The following CIT variants were observed in gnomAD, a reference collection of about 807,000 sequenced individuals.
The protein encoded by CIT is citron Rho-interacting kinase.
A neutral mutation model predicts 272.7 loss-of-function variants in CIT; 79 were observed. That is an observed-to-expected ratio of 0.29 (90% CI 0.24 to 0.35). The LOEUF is 0.35. CIT is among the 10% of genes least tolerant of loss of function. The pLI, the probability that CIT is intolerant of heterozygous loss-of-function variation, is 1.00. For missense variants in CIT, 1,909 were observed against 2,618.3 expected, an observed-to-expected ratio of 0.73 and a Z score of 5.91; for synonymous variants, 948 against 995.6, an observed-to-expected ratio of 0.95 and a Z score of 0.90.
intron 18 of CIT, among the ~76,000 whole-genome samples, 159 bp from the exon 19 acceptor site, chr12:119,767,341 C>T (rs760601285): frequency 6.6e-6 from 1 of 152,234 alleles, no homozygotes; most frequent in Non-Finnish European, 1.5e-5. Flanking sequence ...GAAACCACCA[C>T]GCCTTGGCCC....
In CIT at chr12:119,712,550, C is replaced by T. The variant is rs769127840; in HGVS notation, c.4684+41G>A. The T allele has an allele frequency of 4.4e-6, 7 of 1,583,670 alleles. No individual in the cohort carries two copies. The highest frequency in any genetic ancestry group is 1.1e-5 in the South Asian group (1 of 90,186). On this transcript the variant is annotated intron_variant, in intron 36 of 47. Transcript: ENST00000392521. The surrounding 1 kb of genome is among the most constrained non-coding windows in gnomAD (Gnocchi z 5.2). ...TCTGTCCCTGCTGATTGGCCAAGCC[C>T]GGCCCACCTCCAGGGCGGGGCTCCT...
rs1261726478 is a variant in CIT at position 119,697,641 on chromosome 12, AGAG to A, written c.5882+15_5882+17del. On this transcript the variant is annotated intron_variant, in intron 46 of 47. Transcript: ENST00000392521. This position sits in a 1 kb window ranked among gnomAD's most constrained non-coding sequence, Gnocchi z 4.9. ...AGCACGTTGCCCCTGGTACTGAGGA[AGAG>A]GAGAAGCTGGTTACCTGCGGGAGGT... 1 of 1,611,568 alleles carries A rather than the reference AGAG, an allele frequency of 6.2e-7. No individual in the cohort carries two copies. The highest frequency in any genetic ancestry group is 8.5e-7 in the Non-Finnish European group (1 of 1,178,818).
chr12:119,810,694 T>A (rs1244765905), intron 9 of CIT, among the ~76,000 whole-genome samples: 1 of 130,982 alleles, frequency 7.6e-6, no homozygotes, highest in Admixed American at 8.1e-5. Context: ...AGAGTGAGAT[T>A]CCATCATCTC....
chr12:119,693,864 A>G (rs1956084843), intron 46 of CIT, among the ~76,000 whole-genome samples: 1 of 152,256 alleles, frequency 6.6e-6, no homozygotes, highest in Non-Finnish European at 1.5e-5. Context: ...TTCTTCCACC[A>G]AATTATGGGC....
Position 119,688,335 on chromosome 12 carries a change from T to C in CIT, c.6187-80A>G, listed in dbSNP as rs191381824. Reference sequence around the variant, plus strand: ...TCACCTTGCATGATGCAAATGGGAATCTGCAGCCCCTGGGCTATCCCCTTC... The same window carrying C: ...TCACCTTGCATGATGCAAATGGGAACCTGCAGCCCCTGGGCTATCCCCTTC... On this transcript the variant is annotated intron_variant, in intron 47 of 47. Transcript: ENST00000392521. 9.7e-4 allele frequency: 1,348 copies of C among 1,388,490 alleles called. 3 individuals are homozygous for C. The highest frequency in any genetic ancestry group is 1.3e-3 in the Non-Finnish European group (1,252 of 974,762). The allele number at this position is 1,388,490 out of a possible 1,614,324, so 86.0% of individuals were successfully genotyped here.
chr12:119,788,667 C>CA (rs1965020525), intron 10 of CIT, among the ~76,000 whole-genome samples: 3 of 151,516 alleles, frequency 2.0e-5, no homozygotes, highest in South Asian at 4.2e-4. Context: ...CACCCCCCAC[C>CA]AAAAAAAACG....
intron 24 of CIT, among the ~76,000 whole-genome samples, chr12:119,740,722 C>T (rs556291085): frequency 1.3e-5 from 2 of 152,158 alleles, no homozygotes; most frequent in South Asian, 4.1e-4. Context: ...TGATCATTCA[C>T]GCGCATGTAT....
chr12:119,699,768 G>C (rs1023997896), intron 44 of CIT: 2 of 455,956 alleles, frequency 4.4e-6, no homozygotes, highest in Non-Finnish European at 4.4e-6. Flanking sequence ...TCAAGCCACG[G>C]AGTTGGGGCC....
chr12:119,776,423 A>C lies in CIT; in HGVS notation c.1837-15T>G. 6.2e-7 allele frequency: 1 copy of C among 1,611,194 alleles called. No individual in the cohort carries two copies. Among genetic ancestry groups the C allele is most frequent in the Non-Finnish European group, 8.5e-7 (1 of 1,177,864 alleles). On this transcript the variant is annotated splice_polypyrimidine_tract_variant and intron_variant, in intron 14 of 47. Transcript: ENST00000392521. ...TGATCCTTAGCCTGTAATTAAAAAG[A>C]CACAACATATTGGGAAATCTCAACA...
At chr12:119,751,915 G>C (rs551125931) in intron 23 of CIT, 135 bp downstream of exon 23, 1 of 770,302 alleles carries the variant, frequency 1.3e-6, no homozygotes, top group Non-Finnish European at 2.0e-6. Context: ...CCAATTTCCT[G>C]GCCACTGAAT....
rs998851938 is a variant in CIT at position 119,770,687 on chromosome 12, C to T, written c.2208+98G>A. 5 of 1,392,708 alleles carry T rather than the reference C, an allele frequency of 3.6e-6. No homozygotes were observed. Among genetic ancestry groups the T allele is most frequent in the Non-Finnish European group, 5.0e-6 (5 of 999,240 alleles). 86.3% of individuals were successfully genotyped at this position (1,392,708 alleles called of 1,614,324 possible). ...CACTCAATTCATCTACTTGGAGATA[C>T]CTCCCTTATTGTGGCGGTTAATTCT... is the stretch of plus-strand genomic sequence containing the variant. On this transcript the variant is annotated intron_variant, in intron 18 of 47. Transcript: ENST00000392521. The surrounding 1 kb of genome is among the most constrained non-coding windows in gnomAD (Gnocchi z 4.4).
At chr12:119,719,674 C>T (rs1186637066) in intron 30 of CIT, among the ~76,000 whole-genome samples, 2 of 152,304 alleles carry the variant, frequency 1.3e-5, no homozygotes, top group East Asian at 3.9e-4. Flanking sequence ...CCCTCCACTC[C>T]TTCCTCCTAG....
chr12:119,871,724 C>G (rs1950685286), intron 2 of CIT, among the ~76,000 whole-genome samples: 2 of 152,072 alleles, frequency 1.3e-5, no homozygotes, highest in South Asian at 4.1e-4. Context: ...AGGTGTAGTG[C>G]CATGGTCCTG....
intron 17 of CIT, among the ~76,000 whole-genome samples, chr12:119,771,561 A>G (rs1963154416): frequency 6.6e-6 from 1 of 152,162 alleles, no homozygotes; most frequent in Non-Finnish European, 1.5e-5. Context: ...TGAGGGTTTC[A>G]GGTACCAGGC....
At chr12:119,837,369 A>T (rs1969085236) in intron 5 of CIT, among the ~76,000 whole-genome samples, 1 of 152,254 alleles carries the variant, frequency 6.6e-6, no homozygotes. Flanking sequence ...GTTAGAGCTT[A>T]AAGATACAAT....
chr12:119,863,072 C>A lies in CIT; in HGVS notation c.239-5374G>T, dbSNP rs150949464. On this transcript the variant is annotated intron_variant, in intron 3 of 47. Transcript: ENST00000392521. ...CAAAAATTAGCCTGGCATGGTGGTG[C>A]GCACCTGTAGTCCCAGCTACTCAGG... 2.8e-5 allele frequency among the ~76,000 whole-genome samples: 4 copies of A among 144,856 alleles called. No homozygotes were observed. In the South Asian group the frequency reaches 6.8e-4, roughly 24 times the overall value.
At chr12:119,785,133 C>A in intron 10 of CIT, 68 bp from the exon 11 acceptor site, 2 of 1,515,592 alleles carry the variant, frequency 1.3e-6, no homozygotes, top group Non-Finnish European at 9.0e-7. Flanking sequence ...TAGGAAGCTG[C>A]AACATTTGTT....
At chr12:119,750,924 G>A (rs1296564266) in intron 23 of CIT, among the ~76,000 whole-genome samples, 1 of 152,018 alleles carries the variant, frequency 6.6e-6, no homozygotes, top group African/African-American at 2.4e-5. Context: ...CGGAAATGGG[G>A]ACAGCATCTA....
chr12:119,859,387 T>G (rs1950265955), intron 3 of CIT, among the ~76,000 whole-genome samples: 1 of 152,182 alleles, frequency 6.6e-6, no homozygotes, highest in Admixed American at 6.5e-5. Context: ...AGAGTCATAC[T>G]CAGCCCTGCA....
Sources: gnomAD v4.1 joint callset for allele counts (sites outside exome capture counted in the v4.1 genomes callset) on GRCh38, gnomAD v4.1.1 for gene constraint, Gnocchi (gnomAD v3.1) non-coding constraint, MANE v1.5 for transcripts, NCBI Gene and HGNC (gene_info 2026-07-23, HGNC 2026-07-21) for gene names.